The following B3GALT1 variants were observed in gnomAD, a reference collection of about 807,000 sequenced individuals.
The protein encoded by B3GALT1 is UDP-Gal:betaGlcNAc beta 1,3-galactosyltransferase, polypeptide 1.
In B3GALT1, 10 loss-of-function variants were observed where a neutral mutation model predicts 23.2. The ratio of observed to expected loss-of-function variants is 0.43; its 90% CI spans 0.27 to 0.73. The LOEUF (loss-of-function observed/expected upper bound fraction) is 0.73. B3GALT1 is among the 30% of genes least tolerant of loss of function. The probability of loss-of-function intolerance (pLI) is 0.21; values close to 1 mark genes in which losing one functional copy is unlikely to be tolerated. For synonymous variants in B3GALT1, 156 were observed against 141.5 expected (o/e 1.10, Z -0.73); for missense variants, 299 against 405.4 (o/e 0.74, Z 2.25).
rs1368926270 is a variant in B3GALT1 at position 167,866,984 on chromosome 2, T to A, written c.-229-1827T>A. Among the ~76,000 whole-genome samples, 6 of 152,138 alleles carry A rather than the reference T, an allele frequency of 3.9e-5. No homozygotes were observed. In the East Asian group the frequency reaches 9.7e-4, roughly 25 times the overall value. The stretch of plus-strand genomic sequence containing the variant: ...CTTTGTCGCCCAGGCTGGAGTGCAG[T>A]GGCGCAATCTCAGCTCACTGCAAGC... On this transcript the variant is annotated intron_variant, in intron 4 of 4. Transcript: ENST00000392690.
Position 167,481,280 on chromosome 2 carries a change from C to T in B3GALT1, c.-510-8897C>T, listed in dbSNP as rs185434288. ...CACTTAGTTTAATATCAAAATACCC[C>T]GCTACAGAACAAACCCACAGTGGAA... On this transcript the variant is annotated intron_variant, in intron 1 of 4. Coordinates refer to ENST00000392690, the MANE Select transcript of B3GALT1 (RefSeq NM_020981.4). Among the ~76,000 whole-genome samples, 106 of 152,180 alleles carry T rather than the reference C, an allele frequency of 7.0e-4. No individual in the cohort carries two copies. The East Asian group carries it at 0.015, about 22-fold the overall frequency.
At chr2:167,487,640 A>AT (rs1699648680) in intron 1 of B3GALT1, among the ~76,000 whole-genome samples, 1 of 152,168 alleles carries the variant, frequency 6.6e-6, no homozygotes, top group Non-Finnish European at 1.5e-5. Context: ...AAACAAGAGG[A>AT]TTTTTTAATA....
chr2:167,715,743 C>T (rs1574227687), intron 3 of B3GALT1: 2 of 1,613,096 alleles, frequency 1.2e-6, no homozygotes, highest in Admixed American at 1.7e-5. Context: ...GATGACTGTA[C>T]TTCATAGCCT....
At chr2:167,775,072 A>T (rs1432884819) in intron 3 of B3GALT1, among the ~76,000 whole-genome samples, 2 of 152,172 alleles carry the variant, frequency 1.3e-5, no homozygotes, top group Non-Finnish European at 2.9e-5. Context: ...CTGCCTTTTG[A>T]TCCAATAATC....
intron 2 of B3GALT1, among the ~76,000 whole-genome samples, chr2:167,528,925 T>G (rs1683271010): frequency 1.3e-5 from 2 of 152,112 alleles, no homozygotes. Context: ...CCTTTTGTAT[T>G]AATAGTAAAA....
At chr2:167,592,229 G>A (rs1402413716) in intron 2 of B3GALT1, among the ~76,000 whole-genome samples, 3 of 152,194 alleles carry the variant, frequency 2.0e-5, no homozygotes, top group African/African-American at 7.2e-5. Flanking sequence ...GGAGCTTTCA[G>A]TGTATAGATA....
intron 3 of B3GALT1, among the ~76,000 whole-genome samples, chr2:167,665,400 TC>T (rs1306983383): frequency 8.9e-5 from 13 of 146,202 alleles, no homozygotes; most frequent in African/African-American, 3.4e-4. Context: ...TCAATGTTCA[TC>T]AAGGATATTG....
chr2:167,348,501 T>C (rs935610622), intron 1 of B3GALT1, among the ~76,000 whole-genome samples: 5 of 152,192 alleles, frequency 3.3e-5, no homozygotes, highest in African/African-American at 1.2e-4. Flanking sequence ...AAGTAATTGA[T>C]AAGAGTCTGA....
chr2:167,605,515 G>T (rs757307391), intron 2 of B3GALT1, among the ~76,000 whole-genome samples: 6 of 152,116 alleles, frequency 3.9e-5, no homozygotes, highest in South Asian at 2.1e-4. Context: ...TGTCTCCTCA[G>T]GGTGCCTGTT....
chr2:167,704,054 G>A (rs779742249), intron 3 of B3GALT1, among the ~76,000 whole-genome samples: 2 of 151,894 alleles, frequency 1.3e-5, no homozygotes, highest in African/African-American at 4.8e-5. Flanking sequence ...GGTATCAGGC[G>A]CCTGTAGTCC....
chr2:167,365,585 T>TACACACACACACAC lies in B3GALT1; in HGVS notation c.-511+72278_-511+72291dup, dbSNP rs10683932. 5.0e-5 allele frequency among the ~76,000 whole-genome samples: 7 copies of TACACACACACACAC among 140,474 alleles called. No individual in the cohort carries two copies. In the South Asian group the frequency reaches 1.4e-3, roughly 28 times the overall value. The allele number at this position is 140,474 out of a possible 152,430, so 92.2% of individuals were successfully genotyped here. ...TGCATATTCATAATAGAGATACAAATACACACACACACACACACACACACA... is the reference window on the plus strand; with the variant it reads ...TGCATATTCATAATAGAGATACAAATACACACACACACACACACACACACACACACACACACACA... On this transcript the variant is annotated intron_variant, in intron 1 of 4. Transcript: ENST00000392690.
chr2:167,765,301 A>G (rs1558972054), intron 3 of B3GALT1, among the ~76,000 whole-genome samples: 3 of 152,182 alleles, frequency 2.0e-5, no homozygotes, highest in Admixed American at 2.0e-4. Flanking sequence ...TATACAAACA[A>G]CAATCCACAA....
intron 1 of B3GALT1, among the ~76,000 whole-genome samples, chr2:167,349,617 C>T (rs1029690220): frequency 1.3e-5 from 2 of 152,080 alleles, no homozygotes; most frequent in African/African-American, 2.4e-5. Flanking sequence ...TGTTGGACCT[C>T]AGACTGCAAA....
At chr2:167,714,695 T>C (rs1467822693) in intron 3 of B3GALT1, 6 of 1,613,820 alleles carry the variant, frequency 3.7e-6, no homozygotes, top group Non-Finnish European at 4.2e-6. Flanking sequence ...TCCTTTTTTC[T>C]CGTAGGAAAT....
At chr2:167,469,218 A>T (rs1699390331) in intron 1 of B3GALT1, among the ~76,000 whole-genome samples, 1 of 152,188 alleles carries the variant, frequency 6.6e-6, no homozygotes, top group Admixed American at 6.5e-5. Flanking sequence ...CTAGAGTGTA[A>T]AAACCCTATG....
chr2:167,400,493 CT>C (rs1698171069), intron 1 of B3GALT1, among the ~76,000 whole-genome samples: 1 of 152,020 alleles, frequency 6.6e-6, no homozygotes, highest in Non-Finnish European at 1.5e-5. Flanking sequence ...ACATCTCTGT[CT>C]ATTTCCTATC....
intron 3 of B3GALT1, among the ~76,000 whole-genome samples, chr2:167,708,085 A>AT (rs150452729): frequency 1.1e-3 from 172 of 152,170 alleles, no homozygotes; most frequent in Middle Eastern, 3.4e-3. Flanking sequence ...AAGTTTATGG[A>AT]TTTTTTCACC....
intron 3 of B3GALT1, among the ~76,000 whole-genome samples, chr2:167,747,434 C>T (rs1687669202): frequency 1.3e-5 from 2 of 152,132 alleles, no homozygotes; most frequent in African/African-American, 4.8e-5. Flanking sequence ...AGGCTGACAG[C>T]AATTTTTAAG....
At chr2:167,397,061 C>T (rs1574062965) in intron 1 of B3GALT1, among the ~76,000 whole-genome samples, 1 of 152,150 alleles carries the variant, frequency 6.6e-6, no homozygotes, top group East Asian at 1.9e-4. Flanking sequence ...TCCAACTTCT[C>T]GTAAAAGTTT....
Sources: allele counts gnomAD v4.1 joint callset (sites outside exome capture counted in the v4.1 genomes callset), GRCh38; gene constraint gnomAD v4.1.1; transcripts MANE v1.5; gene names NCBI Gene and HGNC (gene_info 2026-07-23, HGNC 2026-07-21).